SNAP91: variants seen among roughly 807,000 people sequenced by gnomAD.
SNAP91 encodes the protein synaptosome associated protein 91.
Under a neutral mutation model 100.3 loss-of-function variants are expected in SNAP91, and 27 were observed. That is an observed-to-expected ratio of 0.27 (90% CI 0.20 to 0.37). The LOEUF is 0.37. Among genes scored for constraint, SNAP91 ranks in the 10% least tolerant of loss-of-function variants. The pLI, the probability that SNAP91 is intolerant of heterozygous loss-of-function variation, is 1.00. For missense variants in SNAP91, 986 were observed against 1,123.7 expected (o/e 0.88, Z 1.75); for synonymous variants, 404 against 398.6 (o/e 1.01, Z -0.16).
intron 5 of SNAP91, 70 bp from the exon 6 acceptor site, chr6:83,659,162 C>T (rs1205425073): frequency 4.2e-6 from 5 of 1,193,890 alleles, no homozygotes; most frequent in Non-Finnish European, 1.2e-6. Flanking sequence ...ATGAATTGTT[C>T]TAAGCTGTTC....
At chr6:83,574,413 T>C (rs544281832) in intron 26 of SNAP91, among the ~76,000 whole-genome samples, 15 of 152,256 alleles carry the variant, frequency 9.9e-5, no homozygotes, top group African/African-American at 3.4e-4. Flanking sequence ...AATACAGACA[T>C]GAAATCTATT....
intron 8 of SNAP91, among the ~76,000 whole-genome samples, chr6:83,637,255 G>T (rs975558486): frequency 5.3e-5 from 8 of 152,176 alleles, no homozygotes; most frequent in African/African-American, 1.7e-4. Context: ...TGCTCAAAAG[G>T]GGGCTTTGGC....
intron 2 of SNAP91, among the ~76,000 whole-genome samples, chr6:83,706,112 G>A (rs2099378152): frequency 6.6e-6 from 1 of 152,206 alleles, no homozygotes; most frequent in Admixed American, 6.5e-5. Context: ...ATCTGGAGAA[G>A]TCAGCCTTTA....
At chr6:83,574,826 T>C (rs551030255) in intron 26 of SNAP91, among the ~76,000 whole-genome samples, 184 bp downstream of exon 26, 1 of 152,156 alleles carries the variant, frequency 6.6e-6, no homozygotes, top group Admixed American at 6.5e-5. Flanking sequence ...ACAGAGGCTA[T>C]CAAATGTTTT....
At chr6:83,661,106 A>G (rs2098536035) in intron 5 of SNAP91, among the ~76,000 whole-genome samples, 1 of 152,154 alleles carries the variant, frequency 6.6e-6, no homozygotes, top group Non-Finnish European at 1.5e-5. Flanking sequence ...GCCAGGCCAA[A>G]TAGCTATTGT....
intron 8 of SNAP91, among the ~76,000 whole-genome samples, chr6:83,634,270 C>T (rs987652084): frequency 3.9e-5 from 6 of 152,130 alleles, no homozygotes; most frequent in Admixed American, 2.0e-4. Flanking sequence ...TTCACTGCTT[C>T]TTCTATCCCT....
chr6:83,658,362 A>G (rs1252397167), intron 6 of SNAP91, among the ~76,000 whole-genome samples: 4 of 152,066 alleles, frequency 2.6e-5, no homozygotes, highest in Non-Finnish European at 5.9e-5. Flanking sequence ...GTAATCCCAG[A>G]ATTTTGGGAG....
intron 7 of SNAP91, among the ~76,000 whole-genome samples, chr6:83,646,729 C>T (rs1285853219): frequency 6.6e-6 from 1 of 152,152 alleles, no homozygotes; most frequent in African/African-American, 2.4e-5. Context: ...TCCACAGTTA[C>T]TTGCTGAAAT....
intron 2 of SNAP91, among the ~76,000 whole-genome samples, chr6:83,687,079 C>T (rs1052752219): frequency 6.6e-6 from 1 of 152,142 alleles, no homozygotes; most frequent in Non-Finnish European, 1.5e-5. Flanking sequence ...TTACAGTTAG[C>T]CAGGTACCCT....
chr6:83,586,172 A>G (rs1562222114), intron 22 of SNAP91, among the ~76,000 whole-genome samples: 1 of 152,260 alleles, frequency 6.6e-6, no homozygotes, highest in Admixed American at 6.5e-5. Context: ...TTTTAAAACT[A>G]CTGCTAAAGA....
chr6:83,556,086 C>T, intron 29 of SNAP91, 57 bp downstream of exon 29: 1 of 920,342 alleles, frequency 1.1e-6, no homozygotes, highest in Non-Finnish European at 1.7e-6. Flanking sequence ...TCTGAAATAG[C>T]TAAGCATTGT....
intron 2 of SNAP91, among the ~76,000 whole-genome samples, chr6:83,685,339 C>G (rs2099046619): frequency 6.6e-6 from 1 of 152,172 alleles, no homozygotes; most frequent in Admixed American, 6.6e-5. Flanking sequence ...GTAGCAGGAA[C>G]AATGCCTGCT....
chr6:83,580,226 A>G (rs1429662134), intron 24 of SNAP91, among the ~76,000 whole-genome samples: 6 of 152,126 alleles, frequency 3.9e-5, no homozygotes, highest in Non-Finnish European at 7.4e-5. Context: ...TTTAGACTAA[A>G]ATGACATGGG....
chr6:83,649,845 T>C (rs541558418), intron 7 of SNAP91, among the ~76,000 whole-genome samples: 187 of 151,980 alleles, frequency 1.2e-3, no homozygotes, highest in African/African-American at 4.3e-3. Flanking sequence ...CACCTTGGCC[T>C]CCCAAAGTGT....
intron 8 of SNAP91, among the ~76,000 whole-genome samples, chr6:83,627,415 A>C (rs937812502): frequency 2.0e-5 from 3 of 152,070 alleles, no homozygotes; most frequent in African/African-American, 4.8e-5. Flanking sequence ...AAATAGTTTC[A>C]GTAGAATTGC....
intron 9 of SNAP91, among the ~76,000 whole-genome samples, chr6:83,618,452 A>G (rs2096586376): frequency 6.6e-6 from 1 of 151,870 alleles, no homozygotes. Flanking sequence ...AACTCAGATG[A>G]AAATGGACTT....
chr6:83,575,196 G>T (rs535996962), intron 25 of SNAP91, 75 bp from the exon 26 acceptor site: 15 of 1,016,110 alleles, frequency 1.5e-5, no homozygotes, highest in Middle Eastern at 4.0e-4. Flanking sequence ...TGGCTCCTTA[G>T]ATTATTTTAT....
At chr6:83,585,034 CAACT>C (rs1480873406) in intron 22 of SNAP91, among the ~76,000 whole-genome samples, 1 of 152,070 alleles carries the variant, frequency 6.6e-6, no homozygotes, top group Non-Finnish European at 1.5e-5. Context: ...ATAAAAGGAC[CAACT>C]GATTATCTCA....
chr6:83,622,831 C>T (rs1305419517), intron 9 of SNAP91, among the ~76,000 whole-genome samples: 1 of 152,012 alleles, frequency 6.6e-6, no homozygotes. Context: ...GGACATTTCT[C>T]CATTTCATAG....
Sources: allele counts gnomAD v4.1 joint callset (sites outside exome capture counted in the v4.1 genomes callset), GRCh38; gene constraint gnomAD v4.1.1; transcripts MANE v1.5; gene names NCBI Gene and HGNC (gene_info 2026-07-23, HGNC 2026-07-21).